NOVA1: variants seen among roughly 807,000 people sequenced by gnomAD.
The protein encoded by NOVA1 is NOVA alternative splicing regulator 1, also known as RNA-binding protein Nova-1.
Under a neutral mutation model 38.0 loss-of-function variants are expected in NOVA1, and 7 were observed. That is an observed-to-expected ratio of 0.18 (90% CI 0.10 to 0.35). The LOEUF is 0.35. Among genes scored for constraint, NOVA1 ranks in the 10% least tolerant of loss-of-function variants. The pLI, the probability that NOVA1 is intolerant of heterozygous loss-of-function variation, is 1.00. For missense variants in NOVA1, 460 were observed against 616.0 expected (o/e 0.75, Z 2.68); for synonymous variants, 270 against 232.5 (o/e 1.16, Z -1.47).
chr14:26,491,208 G>A (rs934112041), intron 2 of NOVA1, among the ~76,000 whole-genome samples: 7 of 151,658 alleles, frequency 4.6e-5, no homozygotes, highest in Admixed American at 3.3e-4. Context: ...GTCTCGCAAT[G>A]TTACCCAAGC....
chr14:26,459,302 T>C (rs192658559), intron 4 of NOVA1, among the ~76,000 whole-genome samples: 27 of 152,282 alleles, frequency 1.8e-4, no homozygotes, highest in Non-Finnish European at 3.2e-4. Context: ...CATTTAGATA[T>C]ACAAATAGTT....
At chr14:26,568,303 G>A (rs1400321362) in intron 2 of NOVA1, 2 of 152,214 alleles carry the variant, frequency 1.3e-5, no homozygotes, top group Admixed American at 6.5e-5. Flanking sequence ...ATTTATGAGA[G>A]AAGAATTTAA....
At chr14:26,590,783 T>C (rs1312642194) in intron 2 of NOVA1, among the ~76,000 whole-genome samples, 1 of 151,784 alleles carries the variant, frequency 6.6e-6, no homozygotes, top group East Asian at 1.9e-4. Context: ...GGCAATGTTG[T>C]AGATATATTT....
At chr14:26,485,718 T>C (rs1376133294) in intron 2 of NOVA1, among the ~76,000 whole-genome samples, 1 of 152,142 alleles carries the variant, frequency 6.6e-6, no homozygotes, top group Non-Finnish European at 1.5e-5. Flanking sequence ...GAACATTCTG[T>C]TCATATAAAA....
intron 2 of NOVA1, among the ~76,000 whole-genome samples, chr14:26,492,104 T>C (rs1470349501): frequency 6.6e-6 from 1 of 152,222 alleles, no homozygotes; most frequent in African/African-American, 2.4e-5. Flanking sequence ...TTGTACCTCC[T>C]TGGTTAAATT....
chr14:26,462,602 T>A (rs1883777141), intron 4 of NOVA1, among the ~76,000 whole-genome samples: 1 of 152,172 alleles, frequency 6.6e-6, no homozygotes, highest in East Asian at 1.9e-4. Context: ...TAAATAAAAA[T>A]ATTACATATG....
chr14:26,450,182 G>T (rs1314123194), intron 4 of NOVA1, among the ~76,000 whole-genome samples: 1 of 152,010 alleles, frequency 6.6e-6, no homozygotes. Context: ...AGTTGTTTGA[G>T]GTATTCTATG....
At chr14:26,540,277 G>A (rs918919777) in intron 2 of NOVA1, among the ~76,000 whole-genome samples, 1 of 152,110 alleles carries the variant, frequency 6.6e-6, no homozygotes, top group Non-Finnish European at 1.5e-5. Context: ...TCTCACAGGA[G>A]TGCAAACCCT....
intron 3 of NOVA1, among the ~76,000 whole-genome samples, chr14:26,476,718 C>CTTT (rs1222564781): frequency 2.2e-5 from 3 of 139,198 alleles, no homozygotes; most frequent in Non-Finnish European, 4.7e-5. Flanking sequence ...TTTTTCTTTT[C>CTTT]TTTTTTTTTT....
At chr14:26,452,027 C>T (rs1307534088) in intron 4 of NOVA1, among the ~76,000 whole-genome samples, 3 of 152,002 alleles carry the variant, frequency 2.0e-5, no homozygotes, top group Non-Finnish European at 4.4e-5. Flanking sequence ...AGACAATAGG[C>T]TATTCTGTGT....
At chr14:26,508,555 TACACACAC>T (rs34063277) in intron 2 of NOVA1, among the ~76,000 whole-genome samples, 11 of 149,056 alleles carry the variant, frequency 7.4e-5, no homozygotes, top group African/African-American at 1.5e-4. Flanking sequence ...CACATGTACA[TACACACAC>T]ACACACACAC....
intron 4 of NOVA1, among the ~76,000 whole-genome samples, chr14:26,463,508 T>C (rs1383177198): frequency 1.3e-5 from 2 of 152,170 alleles, no homozygotes; most frequent in Non-Finnish European, 2.9e-5. Context: ...CCTCTGTAAA[T>C]TGTCTTTTCA....
intron 2 of NOVA1, among the ~76,000 whole-genome samples, chr14:26,585,991 T>C (rs930068711): frequency 1.3e-5 from 2 of 151,562 alleles, no homozygotes; most frequent in African/African-American, 2.4e-5. Flanking sequence ...AAATCTCAAA[T>C]GGTTCATTCA....
intron 2 of NOVA1, among the ~76,000 whole-genome samples, chr14:26,500,965 T>A (rs1887205044): frequency 6.6e-6 from 1 of 151,954 alleles, no homozygotes; most frequent in African/African-American, 2.4e-5. Flanking sequence ...ACAGTGCTCA[T>A]CAGCAGATTA....
At chr14:26,523,985 T>A (rs946074842) in intron 2 of NOVA1, among the ~76,000 whole-genome samples, 4 of 152,108 alleles carry the variant, frequency 2.6e-5, no homozygotes, top group African/African-American at 9.7e-5. Context: ...TCTCCTGACC[T>A]CGTGATCTGC....
chr14:26,451,980 A>G (rs957205225), intron 4 of NOVA1, among the ~76,000 whole-genome samples: 1 of 152,204 alleles, frequency 6.6e-6, no homozygotes, highest in African/African-American at 2.4e-5. Context: ...TAATGTTTGC[A>G]TCTTAGTAAT....
chr14:26,467,152 A>C (rs1158736168), intron 4 of NOVA1, among the ~76,000 whole-genome samples: 1 of 152,156 alleles, frequency 6.6e-6, no homozygotes, highest in Non-Finnish European at 1.5e-5. Context: ...TAAGTAGATA[A>C]AAATAAGAGA....
chr14:26,458,807 A>G (rs1010408014), intron 4 of NOVA1, among the ~76,000 whole-genome samples: 1 of 152,068 alleles, frequency 6.6e-6, no homozygotes, highest in East Asian at 1.9e-4. Flanking sequence ...CCCAAATCTA[A>G]AATAAATGCT....
chr14:26,557,214 AC>A, intron 2 of NOVA1, among the ~76,000 whole-genome samples: 1 of 152,322 alleles, frequency 6.6e-6, no homozygotes, highest in South Asian at 2.1e-4. Flanking sequence ...TTTTGTGGGG[AC>A]ATAGTATCTC....
Sources: gnomAD v4.1 joint callset for allele counts (sites outside exome capture counted in the v4.1 genomes callset) on GRCh38, gnomAD v4.1.1 for gene constraint, MANE v1.5 for transcripts, NCBI Gene and HGNC (gene_info 2026-07-23, HGNC 2026-07-21) for gene names.